The following PPARGC1A variants were observed in gnomAD, a reference collection of about 807,000 sequenced individuals.
PPARGC1A encodes the protein peroxisome proliferator-activated receptor gamma coactivator 1-alpha.
Under a neutral mutation model 88.7 loss-of-function variants are expected in PPARGC1A, and 25 were observed. That is an observed-to-expected ratio of 0.28 (90% CI 0.21 to 0.39). PPARGC1A has a LOEUF of 0.39. Among genes scored for constraint, PPARGC1A ranks in the 10% least tolerant of loss-of-function variants. The pLI is 1.00. For synonymous variants in PPARGC1A, 363 were observed against 355.6 expected (o/e 1.02, Z -0.24); for missense variants, 880 against 968.7 (o/e 0.91, Z 1.22).
chr4:24,210,588 C>T, the PPARGC1A span, among the ~76,000 whole-genome samples: 5 of 152,172 alleles, frequency 3.3e-5, no homozygotes, highest in Non-Finnish European at 5.9e-5. Flanking sequence ...GCATCACACA[C>T]TGACCACGCA....
chr4:24,141,254 C>T, the PPARGC1A span, among the ~76,000 whole-genome samples: 41 of 152,358 alleles, frequency 2.7e-4, no homozygotes, highest in African/African-American at 9.6e-4. Context: ...GAGAACAAGG[C>T]CTTGGCCAAG....
chr4:23,988,913 TATATA>T, the PPARGC1A span, among the ~76,000 whole-genome samples: 1 of 147,498 alleles, frequency 6.8e-6, no homozygotes, highest in Non-Finnish European at 1.5e-5. Flanking sequence ...TAGATATTAT[TATATA>T]ATATATACTA....
the PPARGC1A span, among the ~76,000 whole-genome samples, chr4:24,152,098 A>T: frequency 6.4e-4 from 98 of 152,360 alleles, no homozygotes; most frequent in Admixed American, 1.4e-3. Context: ...GGATCTGGAC[A>T]TGACATTCTG....
At chr4:24,014,479 C>T in the PPARGC1A span, among the ~76,000 whole-genome samples, 854 of 152,232 alleles carry the variant, frequency 5.6e-3, 7 homozygotes, top group African/African-American at 0.019. Context: ...ATGGTTTCTG[C>T]GGATCAGATG....
At chr4:24,328,191 C>T in the PPARGC1A span, among the ~76,000 whole-genome samples, 3 of 152,050 alleles carry the variant, frequency 2.0e-5, no homozygotes, top group African/African-American at 7.2e-5. Context: ...TTGGTGGTCT[C>T]TTCACACGGA....
chr4:24,139,065 G>A, the PPARGC1A span, among the ~76,000 whole-genome samples: 1 of 152,050 alleles, frequency 6.6e-6, no homozygotes, highest in Non-Finnish European at 1.5e-5. Context: ...TGAATCAATG[G>A]TGGATGCAAA....
chr4:24,142,135 G>C, the PPARGC1A span, among the ~76,000 whole-genome samples: 1 of 152,144 alleles, frequency 6.6e-6, no homozygotes, highest in Non-Finnish European at 1.5e-5. Flanking sequence ...TCATAGTGTT[G>C]AGGCATAATT....
chr4:23,910,000 A>G, the PPARGC1A span, among the ~76,000 whole-genome samples: 1 of 149,572 alleles, frequency 6.7e-6, no homozygotes, highest in Non-Finnish European at 1.5e-5. Flanking sequence ...TATTGTGAAA[A>G]TTGTTCTTTA....
At chr4:24,027,233 G>GTGTGTGTGTGTGTGTTTGTGTGTGTGCA in the PPARGC1A span, among the ~76,000 whole-genome samples, 1 of 150,164 alleles carries the variant, frequency 6.7e-6, no homozygotes, top group African/African-American at 2.5e-5. Context: ...GTGTCTGTGT[G>GTGTGTGTGTGTGTGTTTGTGTGTGTGCA]TGTCTGTGTG....
At chr4:24,081,743 A>ATT in the PPARGC1A span, among the ~76,000 whole-genome samples, 923 of 146,474 alleles carry the variant, frequency 6.3e-3, 9 homozygotes, top group African/African-American at 0.021. Flanking sequence ...TAAGAACACA[A>ATT]TTTTTTTTTT....
At chr4:24,432,996 A>G in the PPARGC1A span, among the ~76,000 whole-genome samples, 1 of 152,172 alleles carries the variant, frequency 6.6e-6, no homozygotes, top group East Asian at 1.9e-4. Context: ...ACGAGACCCT[A>G]AACTCGTTCA....
intron 10 of PPARGC1A, among the ~76,000 whole-genome samples, chr4:23,805,661 T>C (rs1164676249): frequency 1.3e-5 from 2 of 152,118 alleles, no homozygotes; most frequent in African/African-American, 4.8e-5. Flanking sequence ...CCAGCTCTAG[T>C]CAAACAGCCA....
chr4:24,434,160 T>C, the PPARGC1A span, among the ~76,000 whole-genome samples: 1 of 152,210 alleles, frequency 6.6e-6, no homozygotes, highest in Non-Finnish European at 1.5e-5. Context: ...ATGAGAGATA[T>C]AAACAACAGA....
chr4:24,060,957 C>A, the PPARGC1A span, among the ~76,000 whole-genome samples: 2 of 152,092 alleles, frequency 1.3e-5, no homozygotes, highest in African/African-American at 4.8e-5. Context: ...AAGGCACCCA[C>A]CACATATCAA....
At chr4:24,095,283 A>C in the PPARGC1A span, among the ~76,000 whole-genome samples, 1 of 151,844 alleles carries the variant, frequency 6.6e-6, no homozygotes, top group East Asian at 1.9e-4. Flanking sequence ...ATGCCGGCTA[A>C]TTTTTGTATT....
the PPARGC1A span, among the ~76,000 whole-genome samples, chr4:24,285,344 G>C: frequency 1.3e-4 from 20 of 152,260 alleles, no homozygotes; most frequent in African/African-American, 4.8e-4. Flanking sequence ...GTGTTCCTCA[G>C]ATCCTTTTTC....
chr4:24,236,402 T>C, the PPARGC1A span, among the ~76,000 whole-genome samples: 1 of 152,234 alleles, frequency 6.6e-6, no homozygotes, highest in Non-Finnish European at 1.5e-5. Flanking sequence ...GACAGAGGAC[T>C]TCCAGGGACC....
chr4:24,302,621 G>A, the PPARGC1A span, among the ~76,000 whole-genome samples: 1 of 152,232 alleles, frequency 6.6e-6, no homozygotes, highest in Non-Finnish European at 1.5e-5. Context: ...TTTACAGCAG[G>A]TGGATGAAGC....
At chr4:24,065,320 A>G in the PPARGC1A span, among the ~76,000 whole-genome samples, 1 of 152,032 alleles carries the variant, frequency 6.6e-6, no homozygotes, top group African/African-American at 2.4e-5. Flanking sequence ...CCCTTCCCCC[A>G]CAGAACTACA....
Sources: gnomAD v4.1 joint callset for allele counts (sites outside exome capture counted in the v4.1 genomes callset) on GRCh38, gnomAD v4.1.1 for gene constraint, MANE v1.5 for transcripts, NCBI Gene and HGNC (gene_info 2026-07-23, HGNC 2026-07-21) for gene names.